LHFPL3: variants seen among roughly 807,000 people sequenced by gnomAD.
The protein encoded by LHFPL3 is LHFPL tetraspan subfamily member 3.
A neutral mutation model predicts 19.3 loss-of-function variants in LHFPL3; 5 were observed. The ratio of observed to expected loss-of-function variants is 0.26; its 90% CI spans 0.14 to 0.54. LHFPL3 has a LOEUF of 0.54. LHFPL3 is among the 20% of genes least tolerant of loss of function. The probability of loss-of-function intolerance (pLI) is 0.94; values close to 1 mark genes in which losing one functional copy is unlikely to be tolerated. For synonymous variants in LHFPL3, 133 were observed against 126.2 expected (o/e 1.05, Z -0.36); for missense variants, 249 against 307.4 (o/e 0.81, Z 1.42).
In LHFPL3 at chr7:104,495,873, A is replaced by G. The variant is rs1286697960; in HGVS notation, c.445+166649A>G. Among the ~76,000 whole-genome samples, 3 of 152,224 alleles carry G rather than the reference A, an allele frequency of 2.0e-5. No individual in the cohort carries two copies. In the East Asian group the frequency reaches 5.8e-4, roughly 29 times the overall value. On this transcript the variant is annotated intron_variant, in intron 1 of 2. Transcript: ENST00000424859. The stretch of plus-strand genomic sequence containing the variant: ...TTGTTTTGTTCTCAATACATGCTAG[A>G]TACTCTGTGTACATTATCTCATTTA...
At chr7:104,844,547 T>C (rs1791276924) in intron 2 of LHFPL3, among the ~76,000 whole-genome samples, 1 of 152,226 alleles carries the variant, frequency 6.6e-6, no homozygotes, top group Non-Finnish European at 1.5e-5. Flanking sequence ...TTTCCCTTGA[T>C]TATTTTTCTT....
At chr7:104,458,662 G>C (rs907410439) in intron 1 of LHFPL3, among the ~76,000 whole-genome samples, 1 of 151,682 alleles carries the variant, frequency 6.6e-6, no homozygotes, top group East Asian at 1.9e-4. Flanking sequence ...GAAAGTCATT[G>C]GTAGCTTGAT....
chr7:104,335,856 G>GGA (rs35165302), intron 1 of LHFPL3, among the ~76,000 whole-genome samples: 1 of 134,746 alleles, frequency 7.4e-6, no homozygotes, highest in East Asian at 2.0e-4. Flanking sequence ...GGAGTAAAAT[G>GGA]AAAAAAAAAA....
chr7:104,768,405 C>G (rs540419392), intron 2 of LHFPL3, among the ~76,000 whole-genome samples: 1 of 152,242 alleles, frequency 6.6e-6, no homozygotes, highest in African/African-American at 2.4e-5. Context: ...TCACCCTTGG[C>G]ATGGCCATTT....
intron 1 of LHFPL3, among the ~76,000 whole-genome samples, chr7:104,388,739 CAATGT>C: frequency 6.6e-6 from 1 of 152,048 alleles, no homozygotes; most frequent in African/African-American, 2.4e-5. Flanking sequence ...ATCTGAAAGT[CAATGT>C]AATATATTAA....
intron 1 of LHFPL3, among the ~76,000 whole-genome samples, chr7:104,365,611 C>A (rs1232402983): frequency 1.3e-5 from 2 of 148,708 alleles, no homozygotes; most frequent in African/African-American, 5.0e-5. Context: ...GAAACCCCGT[C>A]TCTACTAAAA....
At chr7:104,626,184 C>T (rs1354462199) in intron 1 of LHFPL3, among the ~76,000 whole-genome samples, 2 of 152,132 alleles carry the variant, frequency 1.3e-5, no homozygotes, top group African/African-American at 4.8e-5. Context: ...ACATGAGTGC[C>T]TGCTTCCTTA....
At chr7:104,606,214 C>T (rs543422480) in intron 1 of LHFPL3, among the ~76,000 whole-genome samples, 1 of 152,298 alleles carries the variant, frequency 6.6e-6, no homozygotes, top group East Asian at 1.9e-4. Flanking sequence ...TTTGCAATAT[C>T]GACCACACCC....
intron 2 of LHFPL3, among the ~76,000 whole-genome samples, chr7:104,885,624 C>CA (rs1459472786): frequency 3.3e-5 from 5 of 152,092 alleles, no homozygotes. Flanking sequence ...CCACTTCAAC[C>CA]ACTCCCAGCC....
At chr7:104,500,783 C>A (rs1793585271) in intron 1 of LHFPL3, among the ~76,000 whole-genome samples, 1 of 152,216 alleles carries the variant, frequency 6.6e-6, no homozygotes, top group African/African-American at 2.4e-5. Flanking sequence ...GTAAACCCTC[C>A]TTTGTGTTCA....
In LHFPL3 at chr7:104,509,633, A is replaced by G. The variant is rs571574659; in HGVS notation, c.445+180409A>G. Among the ~76,000 whole-genome samples, 13 of 152,226 alleles carry G rather than the reference A, an allele frequency of 8.5e-5. 1 individual carries two copies. Among genetic ancestry groups the G allele is most frequent in the South Asian group, 4.1e-4 (2 of 4,834 alleles). ...AAAATCCTTACAGCTAGTATTATAC[A>G]TAATGGTAAAAAATTAAATGCTTTG... On this transcript the variant is annotated intron_variant, in intron 1 of 2. Coordinates refer to ENST00000424859, the MANE Select transcript of LHFPL3 (RefSeq NM_199000.3).
chr7:104,897,883 A>G (rs1201053943), intron 2 of LHFPL3, among the ~76,000 whole-genome samples: 1 of 152,176 alleles, frequency 6.6e-6, no homozygotes, highest in Non-Finnish European at 1.5e-5. Context: ...CCCAACCCAG[A>G]AAACCTTTCC....
chr7:104,854,574 C>A (rs1007042867), intron 2 of LHFPL3, among the ~76,000 whole-genome samples: 1 of 152,162 alleles, frequency 6.6e-6, no homozygotes, highest in Non-Finnish European at 1.5e-5. Context: ...ATGAGAGACT[C>A]TCTTCAACAA....
At chr7:104,593,266 AT>A (rs1387340859) in intron 1 of LHFPL3, among the ~76,000 whole-genome samples, 1 of 152,076 alleles carries the variant, frequency 6.6e-6, no homozygotes, top group African/African-American at 2.4e-5. Context: ...TTCAAAGAAC[AT>A]CTTTATTTCT....
intron 1 of LHFPL3, among the ~76,000 whole-genome samples, chr7:104,419,158 T>C (rs140304624): frequency 6.6e-6 from 1 of 152,258 alleles, no homozygotes. Context: ...TGATGAAAGA[T>C]AAACTCCAAG....
intron 1 of LHFPL3, among the ~76,000 whole-genome samples, chr7:104,529,036 C>T (rs1340345543): frequency 6.6e-6 from 1 of 152,298 alleles, no homozygotes; most frequent in African/African-American, 2.4e-5. Flanking sequence ...GCCTCAGGCT[C>T]TACATGATAG....
intron 1 of LHFPL3, among the ~76,000 whole-genome samples, chr7:104,597,594 G>C (rs6944192): frequency 0.99 from 150,933 of 152,248 alleles, 74,821 homozygotes; most frequent in East Asian, 1. Flanking sequence ...TTCTTTCATT[G>C]AAAGGAAGTA....
At chr7:104,844,161 G>T (rs1467412701) in intron 2 of LHFPL3, among the ~76,000 whole-genome samples, 1 of 152,236 alleles carries the variant, frequency 6.6e-6, no homozygotes, top group East Asian at 1.9e-4. Flanking sequence ...GGGAAAGAAT[G>T]GGGGAGAGAA....
intron 2 of LHFPL3, among the ~76,000 whole-genome samples, chr7:104,739,864 G>T (rs893183525): frequency 1.3e-5 from 2 of 152,214 alleles, no homozygotes; most frequent in Non-Finnish European, 2.9e-5. Flanking sequence ...ATCTGAAAGG[G>T]ATACACACTG....
Sources: gnomAD v4.1 joint callset for allele counts (sites outside exome capture counted in the v4.1 genomes callset) on GRCh38, gnomAD v4.1.1 for gene constraint, MANE v1.5 for transcripts, NCBI Gene and HGNC (gene_info 2026-07-23, HGNC 2026-07-21) for gene names.